WNT2: variants seen among roughly 807,000 people sequenced by gnomAD.
The protein encoded by WNT2 is Wnt family member 2.
WNT2 carries 12 observed loss-of-function variants against 36.9 expected under a neutral mutation model. The ratio of observed to expected loss-of-function variants is 0.33; its 90% CI spans 0.21 to 0.53. WNT2 has a LOEUF of 0.53. WNT2 is among the 20% of genes least tolerant of loss of function. WNT2 has a pLI of 0.95. For synonymous variants in WNT2, 163 were observed against 174.6 expected (o/e 0.93, Z 0.52); for missense variants, 379 against 473.1 (o/e 0.80, Z 1.84).
chr7:117,288,356 C>T (rs758290723), intron 4 of WNT2, among the ~76,000 whole-genome samples: 16 of 152,142 alleles, frequency 1.1e-4, no homozygotes, highest in Non-Finnish European at 1.9e-4. Flanking sequence ...GCCCATTAGT[C>T]CAATTGGAGA....
intron 3 of WNT2, among the ~76,000 whole-genome samples, chr7:117,313,950 C>T (rs1795167739): frequency 1.3e-5 from 2 of 152,218 alleles, no homozygotes; most frequent in Non-Finnish European, 2.9e-5. Context: ...TTCCTTCTAA[C>T]TTCCTTTAAA....
rs1347447359 is a variant in WNT2, at chr7:117,277,309, C to T, written c.*846G>A. The T allele has an allele frequency of 1.3e-5, 2 of 152,130 alleles. No individual in the cohort carries two copies. The highest frequency in any genetic ancestry group is 4.8e-5 in the African/African-American group (2 of 41,426). 9.4% of individuals were successfully genotyped at this position (152,130 alleles called of 1,614,324 possible). ...ATATTCCATCCACTAAATTATTTTC[C>T]ACCATATTCACCCAATAGTTACAGA... On this transcript the variant is annotated 3_prime_UTR_variant, in exon 5 of 5. Coordinates refer to ENST00000265441, the MANE Select transcript of WNT2 (RefSeq NM_003391.3).
intron 4 of WNT2, among the ~76,000 whole-genome samples, chr7:117,286,021 A>G (rs957563751): frequency 2.6e-5 from 4 of 152,178 alleles, no homozygotes; most frequent in Non-Finnish European, 4.4e-5. Flanking sequence ...AGGTTTGGCA[A>G]TGTCTGTGCT....
chr7:117,319,269 G>A (rs1462222911), intron 2 of WNT2, among the ~76,000 whole-genome samples: 3 of 152,224 alleles, frequency 2.0e-5, no homozygotes, highest in South Asian at 2.1e-4. Context: ...AAAAATTTGC[G>A]ATGTCATATT....
chr7:117,303,310 A>G (rs1425425133), intron 3 of WNT2, among the ~76,000 whole-genome samples: 1 of 152,194 alleles, frequency 6.6e-6, no homozygotes, highest in African/African-American at 2.4e-5. Context: ...GAACGGGGAA[A>G]TCGTTATTCA....
chr7:117,317,714 G>A (rs533333196), intron 2 of WNT2, among the ~76,000 whole-genome samples: 8 of 152,266 alleles, frequency 5.3e-5, no homozygotes, highest in African/African-American at 1.7e-4. Flanking sequence ...CTAATGTGTT[G>A]CTATTGAAGT....
At position 117,278,173 on chromosome 7, in the gene WNT2, G is replaced by A. The variant is rs749241952; in HGVS notation, c.1065C>T (p.Asp355=). ...GCTGGGGTCATGTAGCGGTTGTCCA[G>A]TCAGCGTTCTTGGGGGCCTTGCATG... The part of the protein sequence containing the change: ...VHTCKAPKNA[D]WTTAT Residue 355 remains aspartate, a synonymous_variant, in exon 5 of 5, where the codon GAC becomes GAT. Transcript: ENST00000265441. 6.2e-7 allele frequency: 1 copy of A among 1,614,250 alleles called. No homozygotes were observed. Among genetic ancestry groups the A allele is most frequent in the African/African-American group, 1.3e-5 (1 of 75,076 alleles).
chr7:117,318,959 ATG>A (rs1175205530), intron 2 of WNT2, among the ~76,000 whole-genome samples: 1 of 152,216 alleles, frequency 6.6e-6, no homozygotes, highest in Non-Finnish European at 1.5e-5. Context: ...TTCCTTTGAT[ATG>A]TGATCTAAAG....
At chr7:117,321,253 G>A (rs1210379863) in intron 1 of WNT2, among the ~76,000 whole-genome samples, 1 of 152,190 alleles carries the variant, frequency 6.6e-6, no homozygotes, top group Non-Finnish European at 1.5e-5. Flanking sequence ...TTGACAGAAT[G>A]TCTTAAAAAC....
rs567433974 is a variant in WNT2 at position 117,293,154 on chromosome 7, G to T, written c.853+4458C>A. 4.6e-5 allele frequency among the ~76,000 whole-genome samples: 7 copies of T among 152,088 alleles called. No homozygotes were observed. In the East Asian group the frequency reaches 1.4e-3, roughly 29 times the overall value. On this transcript the variant is annotated intron_variant, in intron 4 of 4. Transcript: ENST00000265441. ...AAAACAGAGAAACTTATATAATTTC[G>T]GGAACAGCTCCCTAAGATGCTGGTT...
rs1794419075 is a variant in WNT2 at position 117,278,318 on chromosome 7, A to G, written c.920T>C (p.Met307Thr). 1 of 1,614,200 alleles carries G rather than the reference A, an allele frequency of 6.2e-7. No homozygotes were observed. The highest frequency in any genetic ancestry group is 8.5e-7 in the Non-Finnish European group (1 of 1,180,026). The change falls in exon 5 of 5, where the codon ATG becomes ACG. Residue 307 changes from methionine to threonine, a missense_variant. Coordinates refer to ENST00000265441, the MANE Select transcript of WNT2 (RefSeq NM_003391.3). ...TSRGMDSCEV[M>T]CCGRGYDTSH... ...GGTGTCGTAGCCTCTCCCACAGCAC[A>G]TGACTTCACAGCTGTCCATGCCCCG...
rs1794612617 is a variant in WNT2 at position 117,287,757 on chromosome 7, G to A, written c.854-9373C>T. Reference sequence around the variant, plus strand: ...AATATCAGCACTTTGGGAGGTCAAGGTGGGCAGATCACTTGAGGTCAGGAG... The same window carrying A: ...AATATCAGCACTTTGGGAGGTCAAGATGGGCAGATCACTTGAGGTCAGGAG... On this transcript the variant is annotated intron_variant, in intron 4 of 4. Coordinates refer to ENST00000265441, the MANE Select transcript of WNT2 (RefSeq NM_003391.3). 2.6e-5 allele frequency among the ~76,000 whole-genome samples: 4 copies of A among 152,116 alleles called. No homozygotes were observed. The South Asian group carries it at 8.3e-4, about 31-fold the overall frequency.
intron 3 of WNT2, among the ~76,000 whole-genome samples, chr7:117,312,632 CA>C (rs1795142280): frequency 6.6e-6 from 1 of 152,120 alleles, no homozygotes; most frequent in Non-Finnish European, 1.5e-5. Context: ...AGTACTTATT[CA>C]TAGTCCTAAT....
At chr7:117,319,791 G>T (rs10237017) in intron 2 of WNT2, among the ~76,000 whole-genome samples, 11,290 of 152,164 alleles carry the variant, frequency 0.074, 430 homozygotes, top group Middle Eastern at 0.11. Flanking sequence ...AATGTTTAAG[G>T]TTCCTGCTAA....
intron 4 of WNT2, among the ~76,000 whole-genome samples, chr7:117,291,617 C>T (rs772506582): frequency 1.2e-4 from 19 of 152,162 alleles, no homozygotes; most frequent in Admixed American, 2.6e-4. Flanking sequence ...CAACATCACA[C>T]GGTTGTACGT....
intron 2 of WNT2, among the ~76,000 whole-genome samples, chr7:117,319,919 A>G (rs1387890330): frequency 6.6e-6 from 1 of 152,220 alleles, no homozygotes; most frequent in Admixed American, 6.5e-5. Context: ...CCACTCATTC[A>G]TCATAATGAA....
At chr7:117,278,436 A>G (rs1456506750) in intron 4 of WNT2, 52 bp from the exon 5 acceptor site, 13 of 1,538,224 alleles carry the variant, frequency 8.5e-6, no homozygotes, top group Non-Finnish European at 1.1e-5. Flanking sequence ...GGAATCCAAT[A>G]TGCCTCCAGA....
intron 3 of WNT2, among the ~76,000 whole-genome samples, chr7:117,305,377 A>G (rs759398552): frequency 6.6e-6 from 1 of 151,906 alleles, no homozygotes; most frequent in Non-Finnish European, 1.5e-5. Flanking sequence ...TTCCGTTCTT[A>G]TTTGTGGGTG....
chr7:117,294,607 AAAAAG>A (rs1234704377), intron 4 of WNT2, among the ~76,000 whole-genome samples: 1 of 152,070 alleles, frequency 6.6e-6, no homozygotes, highest in Non-Finnish European at 1.5e-5. Flanking sequence ...AAAAAAAAAA[AAAAAG>A]AATAGGGTAG....
Sources: gnomAD v4.1 joint callset for allele counts (sites outside exome capture counted in the v4.1 genomes callset) on GRCh38, gnomAD v4.1.1 for gene constraint, MANE v1.5 for transcripts, NCBI Gene and HGNC (gene_info 2026-07-23, HGNC 2026-07-21) for gene names.